Variants in CTNNA2 observed in about 807,000 individuals in gnomAD.
CTNNA2 encodes catenin alpha 2, also known as catenin alpha-2.
Under a neutral mutation model 101.0 loss-of-function variants are expected in CTNNA2, and 42 were observed. That is an observed-to-expected ratio of 0.42 (90% CI 0.32 to 0.54). The LOEUF is 0.54. Ranked by LOEUF, CTNNA2 falls within the 20% of genes least tolerant of loss-of-function variation. The probability of loss-of-function intolerance (pLI) is 0.14; values close to 1 mark genes in which losing one functional copy is unlikely to be tolerated. For missense variants in CTNNA2, 871 were observed against 1,223.1 expected (o/e 0.71, Z 4.29); for synonymous variants, 450 against 456.4 (o/e 0.99, Z 0.18).
rs531901022 is a variant in CTNNA2, at chr2:79,189,542, T to C, written c.-524+4111T>C. ...TCTGATCATATCACCATGGTATAAT[T>C]CCGATAATATTGCTGCAAGAGGGGA... On this transcript the variant is annotated intron_variant, in intron 1 of 21. Transcript: ENST00000466387. 2.2e-4 allele frequency among the ~76,000 whole-genome samples: 33 copies of C among 152,304 alleles called. No individual in the cohort carries two copies. The South Asian group carries it at 6.2e-3, about 29-fold the overall frequency.
chr2:80,443,506 A>G (rs1213435985), intron 9 of CTNNA2, among the ~76,000 whole-genome samples: 5 of 152,192 alleles, frequency 3.3e-5, no homozygotes, highest in Non-Finnish European at 4.4e-5. Flanking sequence ...GCTAACATTC[A>G]TGGCCTAATA....
At chr2:79,771,845 G>A (rs1013778719) in intron 3 of CTNNA2, among the ~76,000 whole-genome samples, 3 of 152,178 alleles carry the variant, frequency 2.0e-5, no homozygotes, top group Admixed American at 1.3e-4. Context: ...TCCAAACTGA[G>A]AATTCTCATT....
At chr2:80,249,595 T>C (rs1447114624) in intron 7 of CTNNA2, among the ~76,000 whole-genome samples, 1 of 152,198 alleles carries the variant, frequency 6.6e-6, no homozygotes, top group Non-Finnish European at 1.5e-5. Context: ...GAAGAAGACA[T>C]TGAGGCACAG....
intron 15 of CTNNA2, among the ~76,000 whole-genome samples, chr2:80,591,021 A>T (rs1456541988): frequency 6.6e-6 from 1 of 152,192 alleles, no homozygotes; most frequent in East Asian, 1.9e-4. Context: ...TAATAGCATC[A>T]CTTGAACAAA....
chr2:80,163,396 A>T (rs1219680021), intron 7 of CTNNA2, among the ~76,000 whole-genome samples: 1 of 152,026 alleles, frequency 6.6e-6, no homozygotes, highest in Non-Finnish European at 1.5e-5. Context: ...TTTAGTTTTC[A>T]GGTGTTTGGA....
At chr2:80,344,423 G>C (rs139945438) in intron 7 of CTNNA2, among the ~76,000 whole-genome samples, 177 of 152,184 alleles carry the variant, frequency 1.2e-3, no homozygotes, top group African/African-American at 4.1e-3. Context: ...CTAAACTCCA[G>C]ATCCCTATAT....
intron 3 of CTNNA2, among the ~76,000 whole-genome samples, chr2:79,335,914 G>C (rs1257620821): frequency 6.6e-6 from 1 of 152,176 alleles, no homozygotes; most frequent in Non-Finnish European, 1.5e-5. Flanking sequence ...TGGGAGATCA[G>C]ATAACTTGAG....
At chr2:80,559,873 CAT>C (rs71386632) in intron 12 of CTNNA2, among the ~76,000 whole-genome samples, 1 of 110,504 alleles carries the variant, frequency 9.0e-6, no homozygotes, top group African/African-American at 3.6e-5. Flanking sequence ...TCAGCGATAT[CAT>C]ATTTATATAT....
chr2:79,728,814 A>C (rs2104907384), intron 2 of CTNNA2, among the ~76,000 whole-genome samples: 1 of 152,282 alleles, frequency 6.6e-6, no homozygotes, highest in Non-Finnish European at 1.5e-5. Context: ...TTTTCCCAGC[A>C]CCATATATTA....
intron 7 of CTNNA2, among the ~76,000 whole-genome samples, chr2:80,283,667 G>A (rs1386195754): frequency 6.6e-6 from 1 of 152,112 alleles, no homozygotes; most frequent in Non-Finnish European, 1.5e-5. Context: ...ATGATAACAG[G>A]TTGGATATGC....
intron 4 of CTNNA2, among the ~76,000 whole-genome samples, chr2:79,413,486 T>C (rs1431008875): frequency 2.0e-5 from 3 of 152,088 alleles, no homozygotes; most frequent in Non-Finnish European, 4.4e-5. Flanking sequence ...TAGGTTGATT[T>C]TGAATATTAG....
chr2:79,286,385 C>T (rs1225260784), intron 2 of CTNNA2, among the ~76,000 whole-genome samples: 2 of 152,164 alleles, frequency 1.3e-5, no homozygotes, highest in Non-Finnish European at 2.9e-5. Flanking sequence ...TTTGCAGCGG[C>T]TGGTACCAGT....
intron 12 of CTNNA2, among the ~76,000 whole-genome samples, chr2:80,559,346 C>T (rs189029673): frequency 1.3e-5 from 2 of 152,266 alleles, no homozygotes; most frequent in Admixed American, 1.3e-4. Flanking sequence ...CACAGGCAAA[C>T]CCCTGTGTAG....
chr2:80,134,312 G>A (rs185550358), intron 7 of CTNNA2, among the ~76,000 whole-genome samples: 86 of 152,198 alleles, frequency 5.7e-4, no homozygotes, highest in African/African-American at 2.0e-3. Flanking sequence ...GGGGCATGGA[G>A]GGAGGAGGCA....
At chr2:79,338,030 G>A (rs925941387) in intron 3 of CTNNA2, among the ~76,000 whole-genome samples, 2 of 151,950 alleles carry the variant, frequency 1.3e-5, no homozygotes, top group Admixed American at 6.6e-5. Flanking sequence ...TGGATCACCT[G>A]AGGTCAGGAG....
intron 6 of CTNNA2, among the ~76,000 whole-genome samples, chr2:79,877,205 T>C (rs4852537): frequency 0.07 from 10,675 of 152,164 alleles, 1,010 homozygotes; most frequent in East Asian, 0.48. Context: ...TTTTACTTCT[T>C]GGAGGTCAAC....
At chr2:80,586,436 T>C (rs1397725811) in intron 14 of CTNNA2, 1 of 152,176 alleles carries the variant, frequency 6.6e-6, no homozygotes, top group Non-Finnish European at 1.5e-5. Flanking sequence ...AGCGAATGTT[T>C]TAAATGATGC....
chr2:79,489,282 A>C (rs2104563195), intron 4 of CTNNA2, among the ~76,000 whole-genome samples: 1 of 152,316 alleles, frequency 6.6e-6, no homozygotes, highest in South Asian at 2.1e-4. Flanking sequence ...TAGGCACTAA[A>C]TATGTCCTGA....
intron 3 of CTNNA2, among the ~76,000 whole-genome samples, chr2:79,321,273 A>T (rs1473301083): frequency 3.9e-5 from 6 of 152,142 alleles, no homozygotes; most frequent in Non-Finnish European, 4.4e-5. Context: ...GTGTCTGATG[A>T]CTCTGAAACA....
Sources: allele counts gnomAD v4.1 joint callset (sites outside exome capture counted in the v4.1 genomes callset), GRCh38; gene constraint gnomAD v4.1.1; transcripts MANE v1.5; gene names NCBI Gene and HGNC (gene_info 2026-07-23, HGNC 2026-07-21).